KCNC1: variants seen among roughly 807,000 people sequenced by gnomAD.
The protein encoded by KCNC1 is voltage-gated potassium channel KCNC1.
A neutral mutation model predicts 43.4 loss-of-function variants in KCNC1; 8 were observed. That is an observed-to-expected ratio of 0.18 (90% CI 0.11 to 0.33). The LOEUF (loss-of-function observed/expected upper bound fraction) is 0.33, where lower values mean the gene tolerates loss of function less well. Ranked by LOEUF, KCNC1 falls within the 10% of genes least tolerant of loss-of-function variation. The pLI is 1.00. For missense variants in KCNC1, 420 were observed against 836.0 expected (o/e 0.50, Z 6.14); for synonymous variants, 361 against 360.5 (o/e 1.00, Z -0.01).
intron 1 of KCNC1, among the ~76,000 whole-genome samples, chr11:17,747,350 T>C (rs948903181): frequency 6.6e-6 from 1 of 152,140 alleles, no homozygotes; most frequent in Admixed American, 6.5e-5. Flanking sequence ...GGGAGGATGA[T>C]GGAACGTCCG....
Position 17,735,978 on chromosome 11 carries a change from G to C in KCNC1, c.-25G>C. The C allele has an allele frequency of 1.4e-6, 2 of 1,411,576 alleles. No individual in the cohort carries two copies. The highest frequency in any genetic ancestry group is 5.6e-5 in the East Asian group (2 of 35,810). 87.4% of individuals were successfully genotyped at this position (1,411,576 alleles called of 1,614,324 possible). On this transcript the variant is annotated 5_prime_UTR_variant, in exon 1 of 4. Coordinates refer to ENST00000265969, the MANE Select transcript of KCNC1 (RefSeq NM_001112741.2). This position sits in a 1 kb window ranked among gnomAD's most constrained non-coding sequence, Gnocchi z 6.7. The stretch of plus-strand genomic sequence containing the variant: ...CCGCTCCCATGGGTGTCGCTGGGCC[G>C]CGCCATGCCTAAGGGGGCGCCGCGA...
intron 1 of KCNC1, among the ~76,000 whole-genome samples, chr11:17,756,310 A>G (rs961333371): frequency 6.6e-6 from 1 of 151,994 alleles, no homozygotes; most frequent in African/African-American, 2.4e-5. Flanking sequence ...ATTTGCTTGT[A>G]TGGTTAATTG....
chr11:17,775,376 T>C (rs559296032), intron 2 of KCNC1: 20 of 985,232 alleles, frequency 2.0e-5, no homozygotes, highest in Middle Eastern at 5.2e-4. Context: ...AGTCTGTGTG[T>C]CTGTCCCAGG....
chr11:17,749,992 G>A (rs2133787144), intron 1 of KCNC1, among the ~76,000 whole-genome samples: 1 of 152,366 alleles, frequency 6.6e-6, no homozygotes, highest in East Asian at 1.9e-4. Context: ...AGTGCAAGGG[G>A]AGTGTAGGGA....
At chr11:17,760,601 C>G (rs1016659171) in intron 1 of KCNC1, among the ~76,000 whole-genome samples, 4 of 152,286 alleles carry the variant, frequency 2.6e-5, no homozygotes, top group African/African-American at 7.2e-5. Flanking sequence ...AAGGCCTCCC[C>G]TAGGGCCCTC....
chr11:17,777,401 A>G lies in KCNC1; in HGVS notation c.1505-2055A>G. 2.0e-6 allele frequency: 2 copies of G among 985,842 alleles called. No individual in the cohort carries two copies. The highest frequency in any genetic ancestry group is 1.1e-4 in the East Asian group (1 of 8,792). The allele number at this position is 985,842 out of a possible 1,614,324, so 61.1% of individuals were successfully genotyped here. A position where few individuals can be genotyped will look rare whatever the true frequency, so the allele number is the denominator to read the frequency against. On this transcript the variant is annotated intron_variant, in intron 2 of 3. Coordinates refer to ENST00000265969, the MANE Select transcript of KCNC1 (RefSeq NM_001112741.2). The surrounding 1 kb of genome is among the most constrained non-coding windows in gnomAD (Gnocchi z 4.3). ...AGGACCCACTGTTCTCCCCTTGAGG[A>G]AAATCCATGCAGGGTGCTATGGGCC...
Position 17,774,521 on chromosome 11 carries a change from G to GC in KCNC1, c.1504+1929dup, listed in dbSNP as rs1017922671. On this transcript the variant is annotated intron_variant, in intron 2 of 3. Transcript: ENST00000265969. ...GTATTATCCTGTGCGGAGTCCCCCT[G>GC]CCCCCCAGGGAGTGCAGATGTGTTT... 6 of 985,400 alleles carry GC rather than the reference G, an allele frequency of 6.1e-6. No individual in the cohort carries two copies. In the African/African-American group the frequency reaches 7.0e-5, roughly 11 times the overall value. 61.0% of individuals were successfully genotyped at this position (985,400 alleles called of 1,614,324 possible).
At chr11:17,753,103 G>A (rs1848986707) in intron 1 of KCNC1, among the ~76,000 whole-genome samples, 5 of 152,242 alleles carry the variant, frequency 3.3e-5, no homozygotes, top group Admixed American at 3.3e-4. Context: ...TCTCCGATAA[G>A]ATCTAGATGT....
chr11:17,736,292 A>C lies in KCNC1; in HGVS notation c.290A>C (p.Asp97Ala). 1 of 1,613,370 alleles carries C rather than the reference A, an allele frequency of 6.2e-7. No homozygotes were observed. The highest frequency in any genetic ancestry group is 8.5e-7 in the Non-Finnish European group (1 of 1,179,858). ...YEEELAFWGI[D>A]ETDVEPCCWM... ...GAGGAGCTGGCCTTCTGGGGCATCG[A>C]CGAGACCGACGTGGAGCCCTGCTGC... Residue 97 changes from aspartate (D) to alanine (A), a missense_variant, in exon 1 of 4, where the codon GAC becomes GCC. Asp to Ala is a moderately radical substitution (Grantham distance 126). Around this residue, in one of 5 missense-constraint regions of KCNC1, gnomAD observed 22 missense variants for 104.8 expected, o/e 0.21. Transcript: ENST00000265969. This position sits in a 1 kb window ranked among gnomAD's most constrained non-coding sequence, Gnocchi z 9.3.
chr11:17,772,710 C>G (rs1191076084), intron 2 of KCNC1, 112 bp downstream of exon 2: 16 of 1,525,624 alleles, frequency 1.0e-5, no homozygotes, highest in Admixed American at 2.1e-5. Context: ...ACCCCGGACC[C>G]CGCACTCAGT....
chr11:17,759,639 TG>T (rs1233308007), intron 1 of KCNC1, among the ~76,000 whole-genome samples: 1 of 151,996 alleles, frequency 6.6e-6, no homozygotes, highest in African/African-American at 2.4e-5. Context: ...TCAATATTGT[TG>T]TGTCTCAGGG....
rs1849304001 is a variant in KCNC1 at position 17,777,934 on chromosome 11, TA to T, written c.1505-1521del. ...GGGAAGGATCACTTCTGCGTGTAGT[TA>T]CATGATGTGAACAGGATCACGGGAG... On this transcript the variant is annotated intron_variant, in intron 2 of 3. Transcript: ENST00000265969. The surrounding 1 kb of genome is among the most constrained non-coding windows in gnomAD (Gnocchi z 4.3). 1.4e-6 allele frequency: 1 copy of T among 732,492 alleles called. No homozygotes were observed. The highest frequency in any genetic ancestry group is 1.7e-6 in the Non-Finnish European group (1 of 598,916). 45.4% of individuals were successfully genotyped at this position (732,492 alleles called of 1,614,324 possible). A position where few individuals can be genotyped will look rare whatever the true frequency, so the allele number is the denominator to read the frequency against.
chr11:17,758,268 A>T (rs1849042617), intron 1 of KCNC1, among the ~76,000 whole-genome samples: 1 of 152,248 alleles, frequency 6.6e-6, no homozygotes, highest in Non-Finnish European at 1.5e-5. Flanking sequence ...CAATTCAGTC[A>T]CATCTTCAGG....
intron 1 of KCNC1, among the ~76,000 whole-genome samples, chr11:17,754,430 C>T (rs890515547): frequency 7.2e-5 from 11 of 152,176 alleles, no homozygotes; most frequent in Admixed American, 1.3e-4. Flanking sequence ...CCAGGGTAGA[C>T]GCAGATGTGG....
chr11:17,745,911 A>T (rs929877503), intron 1 of KCNC1, among the ~76,000 whole-genome samples: 3 of 152,070 alleles, frequency 2.0e-5, no homozygotes, highest in African/African-American at 7.2e-5. Flanking sequence ...TATATAGTTT[A>T]CTTGTTTGCC....
chr11:17,769,667 C>A lies in KCNC1; in HGVS notation c.571-1998C>A, dbSNP rs556908065. ...AACCAGCCTGGACAACATAGAGAGA[C>A]CCCATCTCTGCAAAATAAAAATAAA... is the stretch of plus-strand genomic sequence containing the variant. On this transcript the variant is annotated intron_variant, in intron 1 of 3. Coordinates refer to ENST00000265969, the MANE Select transcript of KCNC1 (RefSeq NM_001112741.2). Among the ~76,000 whole-genome samples the A allele has an allele frequency of 9.9e-5, 15 of 151,728 alleles. No individual in the cohort carries two copies. The East Asian group carries it at 2.1e-3, about 22-fold the overall frequency.
Position 17,736,557 on chromosome 11 carries a change from G to C in KCNC1, c.555G>C (p.Ser185=). 1.3e-6 allele frequency: 2 copies of C among 1,550,260 alleles called. No homozygotes were observed. Among genetic ancestry groups the C allele is most frequent in the East Asian group, 4.6e-5 (2 of 43,374 alleles). The part of the protein sequence containing the change: ...RIWALFEDPY[S]SRYARYVAFA... ...GGGCGCTCTTCGAGGACCCGTACTC[G>C]TCCCGCTACGCGCGGGTAAGTGACA... Residue 185 remains serine (S), a synonymous_variant, in exon 1 of 4, where the codon TCG becomes TCC. Coordinates refer to ENST00000265969, the MANE Select transcript of KCNC1 (RefSeq NM_001112741.2). The surrounding 1 kb of genome is among the most constrained non-coding windows in gnomAD (Gnocchi z 9.3).
rs1849295798 is a variant in KCNC1 at position 17,777,051 on chromosome 11, T to G, written c.1505-2405T>G. ...GGGAAAGGTGCCAGGCTATCATCCC[T>G]CCAGGGATCCCTGATGGATGTTCCT... On this transcript the variant is annotated intron_variant, in intron 2 of 3. Coordinates refer to ENST00000265969, the MANE Select transcript of KCNC1 (RefSeq NM_001112741.2). This position sits in a 1 kb window ranked among gnomAD's most constrained non-coding sequence, Gnocchi z 4.3. The G allele has an allele frequency of 2.4e-5, 24 of 985,150 alleles. No individual in the cohort carries two copies. Among genetic ancestry groups the G allele is most frequent in the Non-Finnish European group, 2.9e-5 (24 of 829,908 alleles). 61.0% of individuals were successfully genotyped at this position (985,150 alleles called of 1,614,324 possible).
chr11:17,770,815 A>G (rs1849217193), intron 1 of KCNC1, among the ~76,000 whole-genome samples: 1 of 151,748 alleles, frequency 6.6e-6, no homozygotes, highest in Non-Finnish European at 1.5e-5. Flanking sequence ...CCTCCCACTC[A>G]CACCCCTACC....
Sources: allele counts gnomAD v4.1 joint callset (sites outside exome capture counted in the v4.1 genomes callset), GRCh38; gene constraint gnomAD v4.1.1; regional missense constraint gnomAD v4.1.1; non-coding constraint Gnocchi (gnomAD v3.1); transcripts MANE v1.5; gene names NCBI Gene and HGNC (gene_info 2026-07-23, HGNC 2026-07-21).